Variants in RAVER2 observed in about 807,000 individuals in gnomAD.
RAVER2 encodes the protein ribonucleoprotein, PTB binding 2, also known as ribonucleoprotein PTB-binding 2.
A neutral mutation model predicts 78.1 loss-of-function variants in RAVER2; 46 were observed. The ratio of observed to expected loss-of-function variants is 0.59; its 90% confidence interval spans 0.46 to 0.75. The LOEUF (loss-of-function observed/expected upper bound fraction) is 0.75. Ranked by LOEUF, RAVER2 falls within the 30% of genes least tolerant of loss-of-function variation. The pLI is 0.00. For missense variants in RAVER2, 793 were observed against 837.5 expected (o/e 0.95, Z 0.66); for synonymous variants, 311 against 313.3 (o/e 0.99, Z 0.08).
At chr1:64,786,239 A>C (rs1652776636) in intron 4 of RAVER2, among the ~76,000 whole-genome samples, 1 of 152,170 alleles carries the variant, frequency 6.6e-6, no homozygotes, top group African/African-American at 2.4e-5. Flanking sequence ...ATGTTCTTAA[A>C]TGTCACACAA....
chr1:64,790,852 A>G (rs972706956), intron 5 of RAVER2, among the ~76,000 whole-genome samples: 3 of 152,172 alleles, frequency 2.0e-5, no homozygotes, highest in African/African-American at 7.2e-5. Flanking sequence ...ACCTACTGCA[A>G]TTCAATTCTA....
At chr1:64,822,393 A>G (rs1329356403) in intron 11 of RAVER2, among the ~76,000 whole-genome samples, 2 of 152,214 alleles carry the variant, frequency 1.3e-5, no homozygotes, top group Non-Finnish European at 1.5e-5. Context: ...TTTGGAAAGT[A>G]TGATAACAAA....
At chr1:64,797,878 C>T (rs1031074159) in intron 5 of RAVER2, among the ~76,000 whole-genome samples, 1 of 150,496 alleles carries the variant, frequency 6.6e-6, no homozygotes, top group East Asian at 1.9e-4. Flanking sequence ...CTACTGGCTA[C>T]TCCATCAATA....
At chr1:64,807,348 A>T (rs750280257) in exon 9 of RAVER2, 2 of 1,614,156 alleles carry the variant, frequency 1.2e-6, no homozygotes. Context: ...TGGGAATGGC[A>T]GAAGGAAATT....
At chr1:64,790,488 C>G (rs1652907198) in intron 5 of RAVER2, among the ~76,000 whole-genome samples, 1 of 152,292 alleles carries the variant, frequency 6.6e-6, no homozygotes, top group South Asian at 2.1e-4. Flanking sequence ...GTGATGCTGG[C>G]AGTTTGGATA....
At chr1:64,805,752 A>AG (rs1653400746) in intron 8 of RAVER2, among the ~76,000 whole-genome samples, 1 of 152,226 alleles carries the variant, frequency 6.6e-6, no homozygotes, top group South Asian at 2.1e-4. Flanking sequence ...TTTAAAAAAA[A>AG]GTCAATTAAA....
intron 1 of RAVER2, among the ~76,000 whole-genome samples, chr1:64,762,288 G>A (rs1386336853): frequency 6.6e-6 from 1 of 151,908 alleles, no homozygotes; most frequent in Non-Finnish European, 1.5e-5. Context: ...ATAAATGGAA[G>A]AACATTCCAC....
chr1:64,827,915 G>A (rs962797070), intron 11 of RAVER2, among the ~76,000 whole-genome samples: 5 of 152,106 alleles, frequency 3.3e-5, no homozygotes, highest in Non-Finnish European at 5.9e-5. Context: ...TTAGCCTGGC[G>A]TTCCAGCCCT....
chr1:64,784,215 C>T (rs1652715500), intron 4 of RAVER2, among the ~76,000 whole-genome samples: 1 of 152,232 alleles, frequency 6.6e-6, no homozygotes, highest in Admixed American at 6.5e-5. Context: ...GAAGCCCTGT[C>T]TCTACAAAAA....
intron 1 of RAVER2, among the ~76,000 whole-genome samples, chr1:64,755,713 T>C (rs916116287): frequency 1.3e-5 from 2 of 149,850 alleles, no homozygotes; most frequent in Non-Finnish European, 3.0e-5. Flanking sequence ...TCTCTGACTT[T>C]ATGCTTCATA....
intron 2 of RAVER2, among the ~76,000 whole-genome samples, chr1:64,776,428 G>C (rs1181147336): frequency 6.6e-6 from 1 of 152,200 alleles, no homozygotes; most frequent in Non-Finnish European, 1.5e-5. Context: ...ACTTAGTGTG[G>C]TGAGATGCTC....
chr1:64,831,087 G>GT (rs1479561507), exon 12 of RAVER2: 24 of 1,242,932 alleles, frequency 1.9e-5, no homozygotes, highest in Admixed American at 5.1e-5. Context: ...TTAAATACGG[G>GT]TTTATAGTTT....
intron 6 of RAVER2, 45 bp downstream of exon 6, chr1:64,803,106 G>T: frequency 7.1e-7 from 1 of 1,405,476 alleles, no homozygotes; most frequent in East Asian, 2.3e-5. Context: ...TATTCGGAGT[G>T]AATATTTTGT....
intron 9 of RAVER2, among the ~76,000 whole-genome samples, chr1:64,808,156 T>G (rs1653497761): frequency 6.6e-6 from 1 of 152,162 alleles, no homozygotes; most frequent in Non-Finnish European, 1.5e-5. Context: ...TTCTGGAAGA[T>G]TTTACCGAAT....
chr1:64,807,511 C>T (rs771383056), intron 9 of RAVER2, 37 bp downstream of exon 9: 2 of 1,583,804 alleles, frequency 1.3e-6, no homozygotes, highest in South Asian at 2.2e-5. Flanking sequence ...TGTATATATA[C>T]ATGTATATGT....
At chr1:64,809,492 A>ATAAATAAATAAAT (rs1653543230) in intron 9 of RAVER2, among the ~76,000 whole-genome samples, 2 of 148,304 alleles carry the variant, frequency 1.3e-5, no homozygotes, top group South Asian at 4.2e-4. Context: ...TAGTGCAAAA[A>ATAAATAAATAAAT]TAAATAAATA....
intron 2 of RAVER2, among the ~76,000 whole-genome samples, chr1:64,769,317 A>G (rs141566256): frequency 4.5e-4 from 68 of 152,104 alleles, no homozygotes; most frequent in African/African-American, 1.6e-3. Context: ...TTCAGATTCA[A>G]AAAAAATGGT....
chr1:64,804,872 G>GT, intron 7 of RAVER2, 34 bp downstream of exon 7: 1 of 1,513,032 alleles, frequency 6.6e-7, no homozygotes, highest in South Asian at 1.2e-5. Flanking sequence ...TTTAAAATCA[G>GT]TTCATTTCTT....
At chr1:64,808,624 G>A (rs1481234920) in intron 9 of RAVER2, among the ~76,000 whole-genome samples, 1 of 151,810 alleles carries the variant, frequency 6.6e-6, no homozygotes, top group Non-Finnish European at 1.5e-5. Flanking sequence ...GCCATACCTG[G>A]CTGATTTTTG....
Sources: allele counts gnomAD v4.1 joint callset (sites outside exome capture counted in the v4.1 genomes callset), GRCh38; gene constraint gnomAD v4.1.1; transcripts MANE v1.5; gene names NCBI Gene and HGNC (gene_info 2026-07-23, HGNC 2026-07-21).